GABRB2: variants seen among roughly 807,000 people sequenced by gnomAD.
GABRB2 encodes the protein gamma-aminobutyric acid receptor subunit beta-2.
Under a neutral mutation model 54.7 loss-of-function variants are expected in GABRB2, and 16 were observed. The ratio of observed to expected loss-of-function variants is 0.29; its 90% CI spans 0.20 to 0.44. The LOEUF is 0.44. Among genes scored for constraint, GABRB2 ranks in the 20% least tolerant of loss-of-function variants. GABRB2 has a pLI of 1.00. For synonymous variants in GABRB2, 244 were observed against 233.8 expected, an observed-to-expected ratio of 1.04 and a Z score of -0.40; for missense variants, 355 against 644.0, an observed-to-expected ratio of 0.55 and a Z score of 4.86.
chr5:161,386,451 G>A (rs1240906222), intron 5 of GABRB2, among the ~76,000 whole-genome samples: 1 of 152,100 alleles, frequency 6.6e-6, no homozygotes, highest in Non-Finnish European at 1.5e-5. Flanking sequence ...AGGAAGCTGA[G>A]TGATATTTAG....
intron 5 of GABRB2, among the ~76,000 whole-genome samples, chr5:161,338,540 C>A (rs1754061848): frequency 6.6e-6 from 1 of 152,084 alleles, no homozygotes. Flanking sequence ...GTAATCCCAG[C>A]ACTTTGGGAG....
intron 3 of GABRB2, among the ~76,000 whole-genome samples, chr5:161,493,686 G>T (rs1759142535): frequency 6.6e-6 from 1 of 151,622 alleles, no homozygotes; most frequent in Non-Finnish European, 1.5e-5. Flanking sequence ...GTTTAGTTTT[G>T]CTCTTCCTTC....
At chr5:161,324,024 A>T (rs1283719322) in intron 9 of GABRB2, among the ~76,000 whole-genome samples, 1 of 152,190 alleles carries the variant, frequency 6.6e-6, no homozygotes, top group African/African-American at 2.4e-5. Context: ...ATGGAAAATC[A>T]CTTAGAAACA....
intron 5 of GABRB2, among the ~76,000 whole-genome samples, chr5:161,376,355 G>C (rs943740761): frequency 2.0e-5 from 3 of 152,102 alleles, no homozygotes; most frequent in African/African-American, 7.2e-5. Context: ...ATGGTGTCAA[G>C]AGAATTCTAG....
At chr5:161,325,566 C>T (rs1309395572) in intron 9 of GABRB2, among the ~76,000 whole-genome samples, 1 of 152,122 alleles carries the variant, frequency 6.6e-6, no homozygotes. Context: ...GGAAGCACTT[C>T]TGGCATCAAG....
intron 8 of GABRB2, chr5:161,330,226 G>C (rs1043004024): frequency 1.3e-5 from 2 of 152,122 alleles, no homozygotes; most frequent in Admixed American, 1.3e-4. Flanking sequence ...TAAGCAAGAT[G>C]GTGGCCTCAT....
chr5:161,513,783 T>C (rs564686539), intron 3 of GABRB2, among the ~76,000 whole-genome samples: 5 of 152,050 alleles, frequency 3.3e-5, no homozygotes, highest in African/African-American at 1.2e-4. Flanking sequence ...GAATCTCAAA[T>C]AAAAGTTGAA....
At chr5:161,440,202 G>T (rs192053640) in intron 4 of GABRB2, among the ~76,000 whole-genome samples, 149 of 151,930 alleles carry the variant, frequency 9.8e-4, no homozygotes, top group Non-Finnish European at 1.6e-3. Context: ...TAAGCAACCA[G>T]AAAATAAATA....
intron 5 of GABRB2, among the ~76,000 whole-genome samples, chr5:161,403,624 C>T (rs565407230): frequency 6.6e-6 from 1 of 152,090 alleles, no homozygotes; most frequent in East Asian, 1.9e-4. Flanking sequence ...AGAAACACAG[C>T]AGAAAACGTG....
intron 4 of GABRB2, among the ~76,000 whole-genome samples, chr5:161,449,098 T>C (rs912149945): frequency 2.6e-5 from 4 of 152,184 alleles, no homozygotes; most frequent in Non-Finnish European, 4.4e-5. Context: ...ACACTTTCAG[T>C]ACCTGCTTTC....
At chr5:161,439,973 T>C (rs1757418921) in intron 4 of GABRB2, among the ~76,000 whole-genome samples, 3 of 150,234 alleles carry the variant, frequency 2.0e-5, no homozygotes, top group Non-Finnish European at 3.0e-5. Context: ...ACTCTGGAAC[T>C]TAAAAGTTGT....
chr5:161,546,767 C>A (rs919427938), upstream of GABRB2: 66 of 1,453,602 alleles, frequency 4.5e-5, no homozygotes, highest in Non-Finnish European at 5.8e-5. Context: ...AAAGGGGAAG[C>A]GGCGGCTGCC....
chr5:161,438,782 A>G (rs1437758371), intron 4 of GABRB2, among the ~76,000 whole-genome samples: 1 of 152,046 alleles, frequency 6.6e-6, no homozygotes, highest in Admixed American at 6.6e-5. Flanking sequence ...AGGGTCCCCT[A>G]ATAGCAGAAT....
chr5:161,319,003 C>A (rs1025265944), intron 9 of GABRB2, among the ~76,000 whole-genome samples: 1 of 151,786 alleles, frequency 6.6e-6, no homozygotes, highest in Non-Finnish European at 1.5e-5. Context: ...GTTTCTAAGT[C>A]TTTTGCAGTT....
intron 4 of GABRB2, among the ~76,000 whole-genome samples, chr5:161,427,320 CA>C (rs755075053): frequency 1.4e-4 from 22 of 152,110 alleles, no homozygotes; most frequent in Non-Finnish European, 2.6e-4. Context: ...TAAATTATAA[CA>C]TAAATGACTT....
chr5:161,330,823 G>A (rs779494084), intron 8 of GABRB2, 60 bp downstream of exon 8: 17 of 1,609,356 alleles, frequency 1.1e-5, no homozygotes, highest in Non-Finnish European at 1.4e-5. Context: ...TCATCAACCT[G>A]TATTGCTAGC....
At chr5:161,367,493 T>G (rs1561624555) in intron 5 of GABRB2, among the ~76,000 whole-genome samples, 1 of 144,750 alleles carries the variant, frequency 6.9e-6, no homozygotes, top group Admixed American at 6.7e-5. Context: ...CTATTCTGAG[T>G]TAACGTATTT....
In GABRB2 at chr5:161,463,807, A is replaced by G. The variant is rs897815120; in HGVS notation, c.238-3963T>C. The stretch of plus-strand genomic sequence containing the variant: ...TGTTCAATTGATTTCTGACAAAGGT[A>G]CAAAGACAGTAGACTGGAGAAAGCA... On this transcript the variant is annotated intron_variant, in intron 3 of 9. Transcript: ENST00000393959. Among the ~76,000 whole-genome samples, 9 of 151,220 alleles carry G rather than the reference A, an allele frequency of 6.0e-5. No individual in the cohort carries two copies. The East Asian group carries it at 1.8e-3, about 30-fold the overall frequency.
intron 4 of GABRB2, among the ~76,000 whole-genome samples, chr5:161,426,628 T>G (rs1330858216): frequency 6.6e-6 from 1 of 151,952 alleles, no homozygotes; most frequent in Non-Finnish European, 1.5e-5. Context: ...GAAGCTCAGT[T>G]GACTAAATAA....
Sources: allele counts gnomAD v4.1 joint callset (sites outside exome capture counted in the v4.1 genomes callset), GRCh38; gene constraint gnomAD v4.1.1; transcripts MANE v1.5; gene names NCBI Gene and HGNC (gene_info 2026-07-23, HGNC 2026-07-21).